Variants in ARFIP1 observed in about 807,000 individuals in gnomAD.
ARFIP1 encodes ARF interacting protein 1.
Under a neutral mutation model 42.5 loss-of-function variants are expected in ARFIP1, and 24 were observed. That is an observed-to-expected ratio of 0.57 (90% CI 0.41 to 0.80). The LOEUF (loss-of-function observed/expected upper bound fraction) is 0.80, where lower values mean the gene tolerates loss of function less well. ARFIP1 is among the 30% of genes least tolerant of loss of function. The probability of loss-of-function intolerance (pLI) is 0.00; values close to 1 mark genes in which losing one functional copy is unlikely to be tolerated. For synonymous variants in ARFIP1, 141 were observed against 153.7 expected, an observed-to-expected ratio of 0.92 and a Z score of 0.61; for missense variants, 354 against 434.0, an observed-to-expected ratio of 0.82 and a Z score of 1.64.
intron 1 of ARFIP1, among the ~76,000 whole-genome samples, chr4:152,808,871 C>G (rs139507254): frequency 1.4e-4 from 22 of 152,222 alleles, no homozygotes; most frequent in Non-Finnish European, 2.6e-4. Context: ...GAGTTCAAGA[C>G]CAACTTGACC....
intron 8 of ARFIP1, among the ~76,000 whole-genome samples, chr4:152,892,884 G>A (rs930941805): frequency 3.3e-5 from 5 of 152,166 alleles, no homozygotes; most frequent in African/African-American, 1.2e-4. Context: ...TAGCAGTAAA[G>A]ACATAGCTCA....
At chr4:152,836,460 C>T (rs1265909925) in intron 2 of ARFIP1, among the ~76,000 whole-genome samples, 1 of 152,192 alleles carries the variant, frequency 6.6e-6, no homozygotes, top group Non-Finnish European at 1.5e-5. Context: ...GACTATCCTT[C>T]CTCCACTGGG....
intron 1 of ARFIP1, among the ~76,000 whole-genome samples, chr4:152,809,030 C>T (rs997551159): frequency 2.6e-5 from 4 of 151,710 alleles, no homozygotes; most frequent in Admixed American, 1.3e-4. Context: ...CCAGCCTGGG[C>T]GACAGAGGAA....
chr4:152,829,499 T>C, intron 1 of ARFIP1, 126 bp from the exon 2 acceptor site: 1 of 558,332 alleles, frequency 1.8e-6, no homozygotes, highest in Non-Finnish European at 3.1e-6. Context: ...CTGTTTATTA[T>C]ACAAGTATTT....
chr4:152,857,499 C>T lies in ARFIP1; in HGVS notation c.94-6107C>T, dbSNP rs186550017. Among the ~76,000 whole-genome samples the T allele has an allele frequency of 1.4e-4, 22 of 152,282 alleles. No homozygotes were observed. In the East Asian group the frequency reaches 3.9e-3, roughly 27 times the overall value. On this transcript the variant is annotated intron_variant, in intron 2 of 8. Transcript: ENST00000353617. Reference sequence around the variant, plus strand: ...ACACACTTCTGTGTCCCAGTTTTCTCATCTGTAAAATGGGAGTGAAAGCAC... The same window carrying T: ...ACACACTTCTGTGTCCCAGTTTTCTTATCTGTAAAATGGGAGTGAAAGCAC...
At chr4:152,813,420 T>C (rs1305368624) in intron 1 of ARFIP1, among the ~76,000 whole-genome samples, 2 of 152,180 alleles carry the variant, frequency 1.3e-5, no homozygotes, top group African/African-American at 2.4e-5. Context: ...GTTTTTATGC[T>C]TCTCTACTCT....
At chr4:152,833,158 T>G (rs1277777437) in intron 2 of ARFIP1, among the ~76,000 whole-genome samples, 1 of 151,406 alleles carries the variant, frequency 6.6e-6, no homozygotes, top group Non-Finnish European at 1.5e-5. Context: ...AAAGTGTTAA[T>G]ATCCAAAATA....
At chr4:152,859,249 T>G (rs534066326) in intron 2 of ARFIP1, among the ~76,000 whole-genome samples, 1 of 151,994 alleles carries the variant, frequency 6.6e-6, no homozygotes, top group Non-Finnish European at 1.5e-5. Flanking sequence ...TTTTTTAGAG[T>G]TGGGGTTTTG....
chr4:152,902,287 A>G (rs1006238375), intron 8 of ARFIP1, among the ~76,000 whole-genome samples: 2 of 152,208 alleles, frequency 1.3e-5, no homozygotes, highest in Non-Finnish European at 2.9e-5. Context: ...GGATCACTTG[A>G]GGCCAAGAGT....
At chr4:152,806,603 G>C (rs888212793) in intron 1 of ARFIP1, among the ~76,000 whole-genome samples, 5 of 152,070 alleles carry the variant, frequency 3.3e-5, no homozygotes, top group Admixed American at 6.5e-5. Flanking sequence ...TATAAACTTG[G>C]AAAACCACAG....
Position 152,835,884 on chromosome 4 carries a change from G to A in ARFIP1, c.93+6158G>A, listed in dbSNP as rs1731607287. Among the ~76,000 whole-genome samples, 9 of 152,302 alleles carry A rather than the reference G, an allele frequency of 5.9e-5. No individual in the cohort carries two copies. The South Asian group carries it at 1.9e-3, about 32-fold the overall frequency. On this transcript the variant is annotated intron_variant, in intron 2 of 8. Coordinates refer to ENST00000353617, the MANE Select transcript of ARFIP1 (RefSeq NM_001025595.3). ...CAATCATAAGTGGTAGGTAAAAGGG[G>A]AGCAGACACATCACATGGTGAGAGC...
intron 8 of ARFIP1, among the ~76,000 whole-genome samples, chr4:152,907,222 T>C (rs1318599232): frequency 6.6e-6 from 1 of 152,220 alleles, no homozygotes; most frequent in African/African-American, 2.4e-5. Flanking sequence ...ATTTATTATA[T>C]GAATGGAGGT....
intron 2 of ARFIP1, among the ~76,000 whole-genome samples, chr4:152,860,502 T>G (rs1199908145): frequency 1.3e-5 from 2 of 152,182 alleles, no homozygotes; most frequent in Admixed American, 1.3e-4. Flanking sequence ...CCAAAAAGCA[T>G]ACTAAAATGC....
At chr4:152,810,319 C>G (rs1729347046) in intron 1 of ARFIP1, 1 of 152,106 alleles carries the variant, frequency 6.6e-6, no homozygotes, top group African/African-American at 2.4e-5. Context: ...TAAACACAGC[C>G]ATTATTTTAA....
At chr4:152,804,268 TTA>T (rs1210745332) in intron 1 of ARFIP1, among the ~76,000 whole-genome samples, 1,434 of 58,468 alleles carry the variant, frequency 0.025, 484 homozygotes, top group Middle Eastern at 0.054. Context: ...GTATTATATA[TTA>T]TATATATAAC....
At chr4:152,839,837 G>C (rs558384218) in intron 2 of ARFIP1, among the ~76,000 whole-genome samples, 52 of 152,020 alleles carry the variant, frequency 3.4e-4, no homozygotes, top group Non-Finnish European at 5.9e-4. Flanking sequence ...GTTTGGGTTT[G>C]GTTTGTTCTT....
rs146199088 is a variant in ARFIP1 at position 152,820,016 on chromosome 4, G to T, written c.-9-9609G>T. 7.4e-3 allele frequency among the ~76,000 whole-genome samples: 1,122 copies of T among 152,244 alleles called. 5 individuals are homozygous for T. The highest frequency in any genetic ancestry group is 0.011 in the Non-Finnish European group (771 of 68,004). Reference sequence around the variant, plus strand: ...CTGTATGTGTAACATCAGCATTCCTGCAGATGAAAAGAGGTGCCTGTCTGT... The same window carrying T: ...CTGTATGTGTAACATCAGCATTCCTTCAGATGAAAAGAGGTGCCTGTCTGT... On this transcript the variant is annotated intron_variant, in intron 1 of 8. Transcript: ENST00000353617.
At chr4:152,858,013 C>T (rs1733577732) in intron 2 of ARFIP1, among the ~76,000 whole-genome samples, 1 of 152,038 alleles carries the variant, frequency 6.6e-6, no homozygotes, top group South Asian at 2.1e-4. Flanking sequence ...ATAAATAAGC[C>T]ACCCCTGTTG....
intron 8 of ARFIP1, among the ~76,000 whole-genome samples, chr4:152,908,006 A>G (rs1016767909): frequency 3.9e-5 from 6 of 152,222 alleles, no homozygotes; most frequent in Non-Finnish European, 7.3e-5. Context: ...CGTCAATAGT[A>G]TATAGTTGTT....
Sources: gnomAD v4.1 joint callset for allele counts (sites outside exome capture counted in the v4.1 genomes callset) on GRCh38, gnomAD v4.1.1 for gene constraint, MANE v1.5 for transcripts, NCBI Gene and HGNC (gene_info 2026-07-23, HGNC 2026-07-21) for gene names.